Variants in CUEDC1 observed in about 807,000 individuals in gnomAD.
CUEDC1 encodes the protein CUE domain-containing protein 1.
CUEDC1 carries 30 observed loss-of-function variants against 43.7 expected under a neutral mutation model. That is an observed-to-expected ratio of 0.69 (90% CI 0.51 to 0.93). The LOEUF (loss-of-function observed/expected upper bound fraction) is 0.93. Among genes scored for constraint, CUEDC1 ranks in the 40% least tolerant of loss-of-function variants. CUEDC1 has a pLI of 0.00. For synonymous variants in CUEDC1, 223 were observed against 223.6 expected, an observed-to-expected ratio of 1.00 and a Z score of 0.02; for missense variants, 486 against 549.0, an observed-to-expected ratio of 0.89 and a Z score of 1.15.
chr17:57,909,915 G>A (rs1460448984), intron 1 of CUEDC1, among the ~76,000 whole-genome samples: 4 of 152,216 alleles, frequency 2.6e-5, no homozygotes, highest in African/African-American at 4.8e-5. Flanking sequence ...AGAACCCAAC[G>A]GTCAGGCTGA....
intron 1 of CUEDC1, among the ~76,000 whole-genome samples, chr17:57,948,837 G>C (rs1220271225): frequency 1.3e-5 from 2 of 152,180 alleles, no homozygotes; most frequent in African/African-American, 4.8e-5. Context: ...TAAGTGCAGA[G>C]AGACAAGAGT....
At chr17:57,936,306 C>T (rs1452584716) in intron 1 of CUEDC1, among the ~76,000 whole-genome samples, 1 of 152,204 alleles carries the variant, frequency 6.6e-6, no homozygotes, top group Admixed American at 6.5e-5. Context: ...TTTGGCCCTT[C>T]CCCAGGAGAA....
chr17:57,906,823 T>C (rs1182641652), intron 1 of CUEDC1, among the ~76,000 whole-genome samples: 1 of 151,784 alleles, frequency 6.6e-6, no homozygotes, highest in Non-Finnish European at 1.5e-5. Context: ...AATATAAAAA[T>C]TAGTCGGGCG....
intron 1 of CUEDC1, among the ~76,000 whole-genome samples, chr17:57,952,835 A>G (rs761127945): frequency 6.6e-6 from 1 of 152,178 alleles, no homozygotes; most frequent in Non-Finnish European, 1.5e-5. Context: ...TCTCAGTCCC[A>G]AGGTAGAGAA....
At chr17:57,943,347 C>A (rs1446324990) in intron 1 of CUEDC1, among the ~76,000 whole-genome samples, 2 of 152,178 alleles carry the variant, frequency 1.3e-5, no homozygotes, top group East Asian at 3.8e-4. Context: ...TCTTTCTTTT[C>A]CAGAATTAAA....
chr17:57,894,658 ACT>A (rs1167392199), intron 1 of CUEDC1, among the ~76,000 whole-genome samples: 1 of 152,054 alleles, frequency 6.6e-6, no homozygotes, highest in Non-Finnish European at 1.5e-5. Flanking sequence ...CAAGAGTGAG[ACT>A]CTGTCTCAAA....
At chr17:57,864,612 G>A (rs1026129354) in intron 10 of CUEDC1, among the ~76,000 whole-genome samples, 1 of 152,130 alleles carries the variant, frequency 6.6e-6, no homozygotes, top group African/African-American at 2.4e-5. Flanking sequence ...GAGTCAATCC[G>A]AGTGATGGGA....
rs2075043552 is a variant in CUEDC1 at position 57,955,029 on chromosome 17, C to T, written c.-316+196G>A. 1.3e-5 allele frequency among the ~76,000 whole-genome samples: 2 copies of T among 150,948 alleles called. No individual in the cohort carries two copies. The highest frequency in any genetic ancestry group is 1.3e-4 in the Admixed American group (2 of 15,188). On this transcript the variant is annotated intron_variant, in intron 1 of 10. Transcript: ENST00000577830. This position sits in a 1 kb window ranked among gnomAD's most constrained non-coding sequence, Gnocchi z 5.3. ...AGGGCGGGCGGGGACCTGCCGCACG[C>T]GGAGCTCCCGGGGAGCCGCGCCGAC... is the stretch of plus-strand genomic sequence containing the variant.
At chr17:57,950,341 G>A (rs990185036) in intron 1 of CUEDC1, among the ~76,000 whole-genome samples, 2 of 151,562 alleles carry the variant, frequency 1.3e-5, no homozygotes, top group South Asian at 2.1e-4. Context: ...TAGTAGAGAC[G>A]GGGGTTTCAC....
At chr17:57,883,117 C>T (rs1043693653) in intron 2 of CUEDC1, among the ~76,000 whole-genome samples, 1 of 152,146 alleles carries the variant, frequency 6.6e-6, no homozygotes, top group African/African-American at 2.4e-5. Context: ...TTCCTTCCAC[C>T]ACCTACTCCA....
At position 57,861,869 on chromosome 17, in the gene CUEDC1, C is replaced by T. The variant is rs912495965; in HGVS notation, c.*1420G>A. ...AGCAGCGGAGGGGGCGACCGCTCCT[C>T]GGCAGGGCCCCCCGAGCCAGCGTCC... On this transcript the variant is annotated 3_prime_UTR_variant, in exon 11 of 11. Transcript: ENST00000577830. 2.6e-5 allele frequency: 4 copies of T among 151,882 alleles called. No homozygotes were observed. The highest frequency in any genetic ancestry group is 5.9e-5 in the Non-Finnish European group (4 of 67,932). The allele number at this position is 151,882 out of a possible 1,614,324, so 9.4% of individuals were successfully genotyped here. A position where few individuals can be genotyped will look rare whatever the true frequency, so the allele number is the denominator to read the frequency against.
intron 1 of CUEDC1, among the ~76,000 whole-genome samples, chr17:57,929,509 T>C (rs1204378098): frequency 6.6e-6 from 1 of 152,200 alleles, no homozygotes; most frequent in East Asian, 1.9e-4. Flanking sequence ...AAAATGTTTC[T>C]AGCAATCTGA....
chr17:57,907,150 G>A (rs747930384), intron 1 of CUEDC1, among the ~76,000 whole-genome samples: 1 of 152,136 alleles, frequency 6.6e-6, no homozygotes, highest in Non-Finnish European at 1.5e-5. Context: ...TGTTGACGAG[G>A]GCTGTTCAGA....
At chr17:57,931,495 A>C (rs1025713169) in intron 1 of CUEDC1, among the ~76,000 whole-genome samples, 3 of 152,134 alleles carry the variant, frequency 2.0e-5, no homozygotes, top group African/African-American at 7.2e-5. Context: ...GTGGGGAATA[A>C]GCAAAAAAGG....
chr17:57,955,240 G>C lies in CUEDC1; in HGVS notation c.-331C>G, dbSNP rs1429193018. Reference sequence around the variant, plus strand: ...GGGGTCTTACCGGGCAGCGCCACGCGCGTCCGCTCCGCGCGGGCCGCAGGG... The same window carrying C: ...GGGGTCTTACCGGGCAGCGCCACGCCCGTCCGCTCCGCGCGGGCCGCAGGG... On this transcript the variant is annotated 5_prime_UTR_variant, in exon 1 of 11. Transcript: ENST00000577830. This position sits in a 1 kb window ranked among gnomAD's most constrained non-coding sequence, Gnocchi z 5.3. The C allele has an allele frequency of 6.9e-6, 1 of 145,720 alleles. No individual in the cohort carries two copies. The highest frequency in any genetic ancestry group is 1.5e-5 in the Non-Finnish European group (1 of 65,234). 9.0% of individuals were successfully genotyped at this position (145,720 alleles called of 1,614,324 possible).
chr17:57,921,947 T>C (rs926222751), intron 1 of CUEDC1, among the ~76,000 whole-genome samples: 3 of 152,142 alleles, frequency 2.0e-5, no homozygotes, highest in Non-Finnish European at 2.9e-5. Context: ...ACCCTGTCTC[T>C]ACTAAAGATA....
At chr17:57,936,642 G>A (rs1157429614) in intron 1 of CUEDC1, among the ~76,000 whole-genome samples, 3 of 152,108 alleles carry the variant, frequency 2.0e-5, no homozygotes, top group Non-Finnish European at 4.4e-5. Flanking sequence ...GCACTACTGT[G>A]CTGGCAGAAC....
intron 1 of CUEDC1, among the ~76,000 whole-genome samples, chr17:57,896,660 C>T (rs1278785029): frequency 6.6e-6 from 1 of 151,184 alleles, no homozygotes; most frequent in Non-Finnish European, 1.5e-5. Context: ...GATTGATACT[C>T]ATTTATTAAT....
chr17:57,885,269 T>G lies in CUEDC1; in HGVS notation c.296A>C (p.Tyr99Ser), dbSNP rs1050920821. The change falls in exon 2 of 11, where the codon TAT becomes TCT. Residue 99 changes from tyrosine (Y) to serine (S), a missense_variant. Transcript: ENST00000577830. ...LEGGGSSGGV[Y>S]EDSSDSEDSI... ...GTCCTCCGAGTCGGAGCTGTCCTCA[T>G]AGACGCCGCCGCTGCTGCCACCGCC... 7 of 1,604,862 alleles carry G rather than the reference T, an allele frequency of 4.4e-6. No individual in the cohort carries two copies. In the Middle Eastern group the frequency reaches 9.9e-4, roughly 227 times the overall value.
Sources: allele counts gnomAD v4.1 joint callset (sites outside exome capture counted in the v4.1 genomes callset), GRCh38; gene constraint gnomAD v4.1.1; non-coding constraint Gnocchi (gnomAD v3.1); transcripts MANE v1.5; gene names NCBI Gene and HGNC (gene_info 2026-07-23, HGNC 2026-07-21).